MEGF10: variants seen among roughly 807,000 people sequenced by gnomAD.
MEGF10 encodes multiple EGF like domains 10, also known as multiple epidermal growth factor-like domains protein 10.
MEGF10 carries 86 observed loss-of-function variants against 147.5 expected under a neutral mutation model. The observed-to-expected ratio is 0.58, with a 90% CI of 0.49 to 0.70. The LOEUF is 0.70. Ranked by LOEUF, MEGF10 falls within the 30% of genes least tolerant of loss-of-function variation. MEGF10 has a pLI of 0.00. For synonymous variants in MEGF10, 478 were observed against 525.5 expected (o/e 0.91, Z 1.24); for missense variants, 1,329 against 1,487.3 (o/e 0.89, Z 1.75).
intron 19 of MEGF10, 195 bp from the exon 20 acceptor site, chr5:127,445,262 T>G: frequency 1.7e-6 from 1 of 583,042 alleles, no homozygotes; most frequent in East Asian, 2.9e-5. Flanking sequence ...ACAGCAGCCT[T>G]TCTCTGGGCA....
rs181760204 is a variant in MEGF10 at position 127,317,436 on chromosome 5, G to A, written c.-18-13855G>A. On this transcript the variant is annotated intron_variant, in intron 1 of 24. Coordinates refer to ENST00000503335, the MANE Select transcript of MEGF10 (RefSeq NM_001256545.2). The stretch of plus-strand genomic sequence containing the variant: ...ATGGCATTGCCTAGGTTTTCTTCTA[G>A]GGTTTTTATGGTTTTAGGTCTAACA... Among the ~76,000 whole-genome samples the A allele has an allele frequency of 8.7e-3, 1,331 of 152,200 alleles. 23 individuals carry two copies. The highest frequency in any genetic ancestry group is 0.03 in the African/African-American group (1,234 of 41,510).
At chr5:127,312,924 A>G (rs1760357032) in intron 1 of MEGF10, among the ~76,000 whole-genome samples, 1 of 152,152 alleles carries the variant, frequency 6.6e-6, no homozygotes, top group Non-Finnish European at 1.5e-5. Context: ...ATTACATCTG[A>G]AAAGGTCTGT....
At position 127,350,669 on chromosome 5, in the gene MEGF10, C is replaced by A. The variant is rs980648333; in HGVS notation, c.319+10039C>A. ...ACAAACTGTGGAAGGAAGGGAAAGACCCCTGGGCCCTTCCCTTCTCAACTG... is the reference window on the plus strand; with the variant it reads ...ACAAACTGTGGAAGGAAGGGAAAGAACCCTGGGCCCTTCCCTTCTCAACTG... On this transcript the variant is annotated intron_variant, in intron 4 of 24. Transcript: ENST00000503335. Among the ~76,000 whole-genome samples, 9 of 152,126 alleles carry A rather than the reference C, an allele frequency of 5.9e-5. No individual in the cohort carries two copies. The South Asian group carries it at 1.7e-3, about 28-fold the overall frequency.
intron 1 of MEGF10, among the ~76,000 whole-genome samples, chr5:127,330,810 T>C (rs1761225105): frequency 6.6e-6 from 1 of 152,166 alleles, no homozygotes; most frequent in Admixed American, 6.6e-5. Flanking sequence ...ATTCAGTGCA[T>C]TGAGTGACTT....
the MEGF10 span, among the ~76,000 whole-genome samples, chr5:127,278,815 T>C: frequency 1.3e-5 from 2 of 152,124 alleles, no homozygotes; most frequent in African/African-American, 4.8e-5. Flanking sequence ...ACAGTGAAGA[T>C]GAAAGATGAG....
the MEGF10 span, among the ~76,000 whole-genome samples, chr5:127,256,367 TAC>T: frequency 6.6e-6 from 1 of 152,232 alleles, no homozygotes; most frequent in African/African-American, 2.4e-5. Flanking sequence ...TAAGTTAACA[TAC>T]ACAGTTTTTT....
chr5:127,437,494 A>G (rs1288671716), intron 16 of MEGF10, among the ~76,000 whole-genome samples: 5 of 152,220 alleles, frequency 3.3e-5, no homozygotes, highest in African/African-American at 1.2e-4. Context: ...TTATAGGTCC[A>G]CATTCCCTAT....
intron 5 of MEGF10, among the ~76,000 whole-genome samples, chr5:127,386,062 TG>T (rs2126894953): frequency 6.6e-6 from 1 of 152,330 alleles, no homozygotes; most frequent in Admixed American, 6.5e-5. Flanking sequence ...GAGCTATGTT[TG>T]TGCCACTGCA....
chr5:127,307,969 A>G (rs982138829), intron 1 of MEGF10, among the ~76,000 whole-genome samples: 1 of 152,184 alleles, frequency 6.6e-6, no homozygotes, highest in Admixed American at 6.5e-5. Context: ...GTAGGAAAAC[A>G]GAAGTCTCGC....
At chr5:127,260,363 G>T in the MEGF10 span, among the ~76,000 whole-genome samples, 4 of 152,092 alleles carry the variant, frequency 2.6e-5, no homozygotes, top group Non-Finnish European at 4.4e-5. Context: ...TTTGATAGGT[G>T]TAAGGAGAAA....
chr5:127,417,567 C>T, intron 9 of MEGF10, 71 bp from the exon 10 acceptor site: 1 of 1,462,082 alleles, frequency 6.8e-7, no homozygotes. Context: ...ATTGCTAAAG[C>T]AACATTTGCA....
chr5:127,407,193 C>T (rs1328831853), intron 8 of MEGF10, among the ~76,000 whole-genome samples: 1 of 152,090 alleles, frequency 6.6e-6, no homozygotes, highest in Non-Finnish European at 1.5e-5. Flanking sequence ...TTTACATTTC[C>T]CCCAGAGCAG....
At chr5:127,248,747 G>C in the MEGF10 span, among the ~76,000 whole-genome samples, 1,410 of 151,742 alleles carry the variant, frequency 9.3e-3, 18 homozygotes, top group African/African-American at 0.031. Flanking sequence ...CCATATGTAG[G>C]GAAGTCTCAG....
chr5:127,245,789 G>A, the MEGF10 span, among the ~76,000 whole-genome samples: 440 of 152,284 alleles, frequency 2.9e-3, 3 homozygotes, highest in African/African-American at 0.01. Flanking sequence ...CAAAAAGTGG[G>A]TGAAGGATAT....
intron 5 of MEGF10, among the ~76,000 whole-genome samples, chr5:127,391,131 CACACACACACACACACACACACATACAT>C (rs1275425854): frequency 0.013 from 1,675 of 128,008 alleles, 57 homozygotes; most frequent in East Asian, 0.046. Flanking sequence ...CACACACACA[CACACACACACACACACACACACATACAT>C]GCTTATTTCT....
chr5:127,449,331 A>G, intron 22 of MEGF10, 109 bp downstream of exon 22: 1 of 1,471,530 alleles, frequency 6.8e-7, no homozygotes, highest in South Asian at 1.3e-5. Flanking sequence ...TTGCATCAAA[A>G]AGCACAATAG....
At chr5:127,284,003 T>C in the MEGF10 span, among the ~76,000 whole-genome samples, 2 of 152,194 alleles carry the variant, frequency 1.3e-5, no homozygotes, top group Admixed American at 6.5e-5. Flanking sequence ...TGTGAAGACA[T>C]GTTACATGAA....
intron 8 of MEGF10, among the ~76,000 whole-genome samples, chr5:127,409,439 A>C (rs1296385434): frequency 6.6e-6 from 1 of 152,226 alleles, no homozygotes; most frequent in Non-Finnish European, 1.5e-5. Flanking sequence ...TCTGCTGCAG[A>C]GAGCCAGTCA....
chr5:127,293,317 C>T (rs936847716), intron 1 of MEGF10, among the ~76,000 whole-genome samples: 1 of 152,176 alleles, frequency 6.6e-6, no homozygotes, highest in Non-Finnish European at 1.5e-5. Flanking sequence ...AAGGGAAAAG[C>T]GTTTATCTCT....
Sources: allele counts gnomAD v4.1 joint callset (sites outside exome capture counted in the v4.1 genomes callset), GRCh38; gene constraint gnomAD v4.1.1; transcripts MANE v1.5; gene names NCBI Gene and HGNC (gene_info 2026-07-23, HGNC 2026-07-21).